Variants in KAZN observed in about 807,000 individuals in gnomAD.
The protein encoded by KAZN is kazrin.
In KAZN, 40 loss-of-function variants were observed where a neutral mutation model predicts 87.4. The observed-to-expected ratio is 0.46, with a 90% confidence interval of 0.36 to 0.60. KAZN has a LOEUF of 0.60. Among genes scored for constraint, KAZN ranks in the 20% least tolerant of loss-of-function variants. The pLI, the probability that KAZN is intolerant of heterozygous loss-of-function variation, is 0.00. For missense variants in KAZN, 898 were observed against 1,073.9 expected, an observed-to-expected ratio of 0.84 and a Z score of 2.29; for synonymous variants, 466 against 458.3, an observed-to-expected ratio of 1.02 and a Z score of -0.22.
At chr1:13,911,596 T>A (rs1022702347) in intron 1 of KAZN, among the ~76,000 whole-genome samples, 5 of 152,212 alleles carry the variant, frequency 3.3e-5, no homozygotes, top group African/African-American at 1.2e-4. Flanking sequence ...TCCTGTTTTC[T>A]GATGCTGAAG....
chr1:14,249,878 A>AC (rs1468116407), intron 2 of KAZN, among the ~76,000 whole-genome samples: 1 of 150,986 alleles, frequency 6.6e-6, no homozygotes, highest in African/African-American at 2.5e-5. Flanking sequence ...GAAAAAAAAA[A>AC]CAGATACCCC....
chr1:13,949,488 ATAACCTCT>A (rs541753576), intron 1 of KAZN, among the ~76,000 whole-genome samples: 244 of 152,290 alleles, frequency 1.6e-3, no homozygotes, highest in Non-Finnish European at 3.1e-3. Flanking sequence ...CAGATATTTA[ATAACCTCT>A]GCATGACTTT....
At chr1:14,493,072 C>T (rs1669763432) in intron 2 of KAZN, among the ~76,000 whole-genome samples, 1 of 152,142 alleles carries the variant, frequency 6.6e-6, no homozygotes, top group South Asian at 2.1e-4. Context: ...TGGAATGTCA[C>T]TTCATCCACG....
chr1:13,915,349 A>G (rs1167171006), intron 1 of KAZN, among the ~76,000 whole-genome samples: 2 of 152,252 alleles, frequency 1.3e-5, no homozygotes, highest in East Asian at 3.8e-4. Flanking sequence ...TGCACTTTGA[A>G]GCTGACAAAA....
chr1:15,105,704 A>G (rs900252879), intron 13 of KAZN, among the ~76,000 whole-genome samples: 2 of 152,048 alleles, frequency 1.3e-5, no homozygotes, highest in African/African-American at 4.8e-5. Flanking sequence ...GCCACTCCCC[A>G]TGTTATACAG....
intron 2 of KAZN, among the ~76,000 whole-genome samples, chr1:14,522,178 T>C (rs544454327): frequency 2.2e-4 from 34 of 152,312 alleles, no homozygotes; most frequent in African/African-American, 7.7e-4. Context: ...TTAAGTAAGA[T>C]ATAATTTTCT....
chr1:14,190,383 A>G (rs1265401247), intron 2 of KAZN, among the ~76,000 whole-genome samples: 1 of 152,066 alleles, frequency 6.6e-6, no homozygotes, highest in East Asian at 1.9e-4. Context: ...GATTTTCTCT[A>G]TTTTACAGGT....
intron 1 of KAZN, among the ~76,000 whole-genome samples, chr1:14,013,990 G>A (rs1640445971): frequency 6.6e-6 from 1 of 152,150 alleles, no homozygotes; most frequent in African/African-American, 2.4e-5. Flanking sequence ...TCTCCCTTAG[G>A]TCCTCAGGAG....
At chr1:15,110,025 G>T (rs1210612832) in intron 13 of KAZN, among the ~76,000 whole-genome samples, 1 of 79,404 alleles carries the variant, frequency 1.3e-5, no homozygotes, top group East Asian at 7.6e-4. Flanking sequence ...TGTGTAGATG[G>T]TGTTTGTGTA....
chr1:15,008,177 G>A (rs536530334), intron 2 of KAZN, among the ~76,000 whole-genome samples: 1 of 152,326 alleles, frequency 6.6e-6, no homozygotes, highest in Non-Finnish European at 1.5e-5. Flanking sequence ...TGAGCCCAGC[G>A]CTTGGGCCAC....
intron 1 of KAZN, among the ~76,000 whole-genome samples, chr1:14,659,982 A>G (rs1185389658): frequency 6.6e-6 from 1 of 152,098 alleles, no homozygotes; most frequent in Admixed American, 6.6e-5. Flanking sequence ...AACTGAAGGG[A>G]TGAAAGGGCA....
intron 2 of KAZN, among the ~76,000 whole-genome samples, chr1:14,398,277 T>G (rs950594880): frequency 6.6e-6 from 1 of 152,274 alleles, no homozygotes; most frequent in Non-Finnish European, 1.5e-5. Context: ...AAGTTAGATA[T>G]AGTGATTAAA....
At chr1:14,947,269 C>T (rs751323311) in intron 1 of KAZN, among the ~76,000 whole-genome samples, 2 of 151,894 alleles carry the variant, frequency 1.3e-5, no homozygotes, top group Non-Finnish European at 2.9e-5. Flanking sequence ...ATTTTTTTTT[C>T]CTCAAGGGTG....
chr1:15,076,543 C>T, intron 8 of KAZN, among the ~76,000 whole-genome samples: 1 of 152,184 alleles, frequency 6.6e-6, no homozygotes, highest in Admixed American at 6.5e-5. Flanking sequence ...CAAGACACCC[C>T]AGCTGCTTCT....
At chr1:14,970,266 A>T (rs1664884106) in intron 2 of KAZN, among the ~76,000 whole-genome samples, 1 of 152,240 alleles carries the variant, frequency 6.6e-6, no homozygotes, top group African/African-American at 2.4e-5. Flanking sequence ...AAGAGCCTTA[A>T]AACCATCTCT....
chr1:13,955,994 C>T (rs1431451607), intron 1 of KAZN, among the ~76,000 whole-genome samples: 1 of 152,134 alleles, frequency 6.6e-6, no homozygotes, highest in Non-Finnish European at 1.5e-5. Context: ...TCATCATGAG[C>T]GCCCATCATC....
At chr1:14,663,758 T>A (rs889046329) in intron 1 of KAZN, among the ~76,000 whole-genome samples, 3 of 152,246 alleles carry the variant, frequency 2.0e-5, no homozygotes, top group African/African-American at 7.2e-5. Flanking sequence ...GACAGGATGA[T>A]GATTCCTCAA....
intron 3 of KAZN, among the ~76,000 whole-genome samples, chr1:15,037,000 C>A (rs1311852002): frequency 6.6e-6 from 1 of 152,192 alleles, no homozygotes; most frequent in Non-Finnish European, 1.5e-5. Context: ...CCAGAGCCTA[C>A]GGGCCTTCCC....
chr1:14,559,593 T>C (rs1383140895), intron 2 of KAZN, among the ~76,000 whole-genome samples: 1 of 152,206 alleles, frequency 6.6e-6, no homozygotes, highest in Non-Finnish European at 1.5e-5. Flanking sequence ...AAGAAGAAGA[T>C]ACTGTAAATT....
Sources: allele counts gnomAD v4.1 joint callset (sites outside exome capture counted in the v4.1 genomes callset), GRCh38; gene constraint gnomAD v4.1.1; transcripts MANE v1.5; gene names NCBI Gene and HGNC (gene_info 2026-07-23, HGNC 2026-07-21).